Variants in RNF13 observed in about 807,000 individuals in gnomAD.
RNF13 encodes the protein ring finger protein 13.
RNF13 carries 19 observed loss-of-function variants against 37.7 expected under a neutral mutation model. The observed-to-expected ratio is 0.50, with a 90% CI of 0.35 to 0.74. The LOEUF (loss-of-function observed/expected upper bound fraction) is 0.74, where lower values mean the gene tolerates loss of function less well. Among genes scored for constraint, RNF13 ranks in the 30% least tolerant of loss-of-function variants. The pLI, the probability that RNF13 is intolerant of heterozygous loss-of-function variation, is 0.01. For synonymous variants in RNF13, 144 were observed against 157.8 expected (o/e 0.91, Z 0.65); for missense variants, 375 against 453.0 (o/e 0.83, Z 1.56).
In RNF13 at chr3:149,813,262, T is replaced by G. The variant is rs1276745299; in HGVS notation, c.-108T>G. ...TAGTACTCCGGGCTGTGGGGGTCGG[T>G]GCGGATATTCAGTCATGAAATCAGG... On this transcript the variant is annotated 5_prime_UTR_variant, in exon 1 of 10. Coordinates refer to ENST00000392894, the MANE Select transcript of RNF13 (RefSeq NM_183381.3). 6.6e-6 allele frequency: 1 copy of G among 152,260 alleles called. No homozygotes were observed. The highest frequency in any genetic ancestry group is 1.9e-4 in the East Asian group (1 of 5,194). 9.4% of individuals were successfully genotyped at this position (152,260 alleles called of 1,614,324 possible). A position where few individuals can be genotyped will look rare whatever the true frequency, so the allele number is the denominator to read the frequency against.
intron 8 of RNF13, among the ~76,000 whole-genome samples, chr3:149,951,842 G>A (rs1721375068): frequency 6.6e-6 from 1 of 152,206 alleles, no homozygotes; most frequent in Non-Finnish European, 1.5e-5. Flanking sequence ...ATGAGACTTA[G>A]AAAGGTCAAG....
chr3:149,934,367 A>G (rs1311239716), intron 8 of RNF13, among the ~76,000 whole-genome samples: 2 of 150,356 alleles, frequency 1.3e-5, no homozygotes, highest in Admixed American at 1.3e-4. Flanking sequence ...TCTGATCTGT[A>G]TTATTTCTTT....
At chr3:149,907,975 G>C (rs937320396) in intron 6 of RNF13, among the ~76,000 whole-genome samples, 2 of 152,112 alleles carry the variant, frequency 1.3e-5, no homozygotes, top group African/African-American at 4.8e-5. Context: ...CAACATTTTA[G>C]GAAAGCCAAT....
At position 149,825,970 on chromosome 3, in the gene RNF13, A is replaced by G. The variant is rs1720462534; in HGVS notation, c.-17+12617A>G. Reference sequence around the variant, plus strand: ...CCTCCCTACCCCTCTTTGTATCTTTATATTTACTGTCCTATCATAGCTTAA... The same window carrying G: ...CCTCCCTACCCCTCTTTGTATCTTTGTATTTACTGTCCTATCATAGCTTAA... On this transcript the variant is annotated intron_variant, in intron 1 of 9. Coordinates refer to ENST00000392894, the MANE Select transcript of RNF13 (RefSeq NM_183381.3). 2.0e-5 allele frequency among the ~76,000 whole-genome samples: 3 copies of G among 152,172 alleles called. No homozygotes were observed. The South Asian group carries it at 6.2e-4, about 32-fold the overall frequency.
intron 6 of RNF13, among the ~76,000 whole-genome samples, chr3:149,908,407 T>A (rs1440603369): frequency 1.3e-5 from 2 of 152,204 alleles, no homozygotes; most frequent in African/African-American, 4.8e-5. Flanking sequence ...TGGTTAGGGA[T>A]TCTATTTTTT....
At chr3:149,855,334 T>C (rs1407146011) in intron 3 of RNF13, among the ~76,000 whole-genome samples, 5 of 151,280 alleles carry the variant, frequency 3.3e-5, no homozygotes, top group African/African-American at 1.2e-4. Context: ...TAAAAATAAA[T>C]AAATAACTAC....
intron 1 of RNF13, among the ~76,000 whole-genome samples, chr3:149,817,076 G>A (rs1055940396): frequency 6.6e-5 from 10 of 152,158 alleles, no homozygotes; most frequent in African/African-American, 2.2e-4. Context: ...TGGAGCTGAG[G>A]AGTTGTTCAG....
chr3:149,853,747 T>C (rs925064101), intron 3 of RNF13, among the ~76,000 whole-genome samples: 1 of 151,942 alleles, frequency 6.6e-6, no homozygotes, highest in African/African-American at 2.4e-5. Flanking sequence ...CAAGATAATA[T>C]TAGTTTTTTG....
At chr3:149,919,957 T>C (rs1284344725) in intron 7 of RNF13, among the ~76,000 whole-genome samples, 2 of 152,182 alleles carry the variant, frequency 1.3e-5, no homozygotes, top group African/African-American at 2.4e-5. Flanking sequence ...TATTGTATTA[T>C]AGTATTTATG....
At chr3:149,952,250 G>A (rs886452867) in intron 8 of RNF13, among the ~76,000 whole-genome samples, 11 of 151,924 alleles carry the variant, frequency 7.2e-5, no homozygotes, top group African/African-American at 2.4e-4. Context: ...TTATTGATTT[G>A]TATGCACTAT....
intron 9 of RNF13, 89 bp downstream of exon 9, chr3:149,960,225 T>C (rs1237901534): frequency 8.0e-6 from 7 of 878,482 alleles, no homozygotes; most frequent in Non-Finnish European, 1.3e-5. Flanking sequence ...AAAATAGTTA[T>C]TAGCACACCA....
At chr3:149,820,651 A>G (rs1244520630) in intron 1 of RNF13, among the ~76,000 whole-genome samples, 1 of 152,156 alleles carries the variant, frequency 6.6e-6, no homozygotes, top group Non-Finnish European at 1.5e-5. Context: ...TTTTGGAAAA[A>G]AAATTGAGGT....
At chr3:149,847,571 T>C (rs1722762547) in intron 2 of RNF13, among the ~76,000 whole-genome samples, 2 of 152,086 alleles carry the variant, frequency 1.3e-5, no homozygotes, top group South Asian at 4.1e-4. Flanking sequence ...CCTGTTGTCC[T>C]CTGTAGTAGG....
chr3:149,927,572 T>C (rs1258730672), intron 8 of RNF13, among the ~76,000 whole-genome samples: 1 of 152,218 alleles, frequency 6.6e-6, no homozygotes, highest in African/African-American at 2.4e-5. Context: ...CATTTTACAT[T>C]CCCAGCAGCA....
chr3:149,896,092 G>A (rs1034274958), intron 5 of RNF13, among the ~76,000 whole-genome samples: 3 of 152,064 alleles, frequency 2.0e-5, no homozygotes, highest in Admixed American at 2.0e-4. Context: ...GCCAATTTTA[G>A]TGGCATAACT....
At chr3:149,954,215 TG>T (rs1721631501) in intron 8 of RNF13, among the ~76,000 whole-genome samples, 2 of 152,168 alleles carry the variant, frequency 1.3e-5, no homozygotes, top group African/African-American at 4.8e-5. Context: ...AAAAAACCTT[TG>T]GTTGTTGCAA....
At chr3:149,914,345 A>G (rs1417143680) in intron 7 of RNF13, among the ~76,000 whole-genome samples, 2 of 152,064 alleles carry the variant, frequency 1.3e-5, no homozygotes, top group Non-Finnish European at 2.9e-5. Context: ...TTAGAAAGCA[A>G]GGTTTGGTCA....
chr3:149,935,874 C>T (rs890681361), intron 8 of RNF13, among the ~76,000 whole-genome samples: 6 of 152,084 alleles, frequency 3.9e-5, no homozygotes, highest in Non-Finnish European at 5.9e-5. Context: ...TTTCTTGTTG[C>T]ATGTTAGTGT....
intron 3 of RNF13, among the ~76,000 whole-genome samples, chr3:149,860,290 T>C: frequency 7.1e-6 from 1 of 140,710 alleles, no homozygotes; most frequent in Non-Finnish European, 1.5e-5. Context: ...TATATATATA[T>C]ATATATATAT....
Sources: allele counts gnomAD v4.1 joint callset (sites outside exome capture counted in the v4.1 genomes callset), GRCh38; gene constraint gnomAD v4.1.1; transcripts MANE v1.5; gene names NCBI Gene and HGNC (gene_info 2026-07-23, HGNC 2026-07-21).